The following SOX30 variants were observed in gnomAD, a reference collection of about 807,000 sequenced individuals.
SOX30 encodes transcription factor SOX-30.
Under a neutral mutation model 58.6 loss-of-function variants are expected in SOX30, and 17 were observed. That is an observed-to-expected ratio of 0.29 (90% CI 0.20 to 0.44). The LOEUF (loss-of-function observed/expected upper bound fraction) is 0.44, where lower values mean the gene tolerates loss of function less well. Ranked by LOEUF, SOX30 falls within the 20% of genes least tolerant of loss-of-function variation. The pLI, the probability that SOX30 is intolerant of heterozygous loss-of-function variation, is 1.00. For synonymous variants in SOX30, 421 were observed against 400.2 expected (o/e 1.05, Z -0.62); for missense variants, 951 against 965.8 (o/e 0.98, Z 0.20).
intron 2 of SOX30, among the ~76,000 whole-genome samples, chr5:157,648,292 AT>A (rs966050715): frequency 6.6e-6 from 1 of 152,064 alleles, no homozygotes; most frequent in African/African-American, 2.4e-5. Flanking sequence ...CGTAGACTGC[AT>A]TTTTTTTCTG....
At chr5:157,636,852 G>A (rs1758940150) in intron 4 of SOX30, among the ~76,000 whole-genome samples, 1 of 152,136 alleles carries the variant, frequency 6.6e-6, no homozygotes, top group South Asian at 2.1e-4. Flanking sequence ...GCTAGGCCGG[G>A]AATGGTGGTT....
In SOX30 at chr5:157,667,935, A is replaced by C. The variant is rs1330109500; in HGVS notation, c.-3-83T>G. ...TTATATCTTACCTCATTCATTCCCC[A>C]CAACAACACTTGTCAGGCATCACGC... On this transcript the variant is annotated intron_variant, in intron 1 of 5. Coordinates refer to the SOX30 transcript ENST00000519442. 3 of 1,404,792 alleles carry C rather than the reference A, an allele frequency of 2.1e-6. No individual in the cohort carries two copies. In the East Asian group the frequency reaches 7.5e-5, roughly 35 times the overall value. 87.0% of individuals were successfully genotyped at this position (1,404,792 alleles called of 1,614,324 possible).
chr5:157,671,440 G>C (rs1759785740), exon 1 of SOX30: 3 of 604,304 alleles, frequency 5.0e-6, no homozygotes, highest in East Asian at 2.9e-5. Context: ...GACTCTGCAC[G>C]CATGTCCAAC....
chr5:157,655,875 T>C (rs1361991234), upstream of SOX30, among the ~76,000 whole-genome samples: 5 of 152,216 alleles, frequency 3.3e-5, no homozygotes, highest in Non-Finnish European at 7.3e-5. Context: ...TCCTGTGTCA[T>C]TCTGTATTGT....
intron 4 of SOX30, among the ~76,000 whole-genome samples, chr5:157,637,071 T>C (rs1193882957): frequency 1.4e-5 from 2 of 142,272 alleles, no homozygotes; most frequent in African/African-American, 5.4e-5. Context: ...AGGCGGAGGC[T>C]GTGGTGAGCC....
At position 157,652,267 on chromosome 5, in the gene SOX30, C is replaced by T. The variant is rs1759376072; in HGVS notation, c.-189G>A. On this transcript the variant is annotated 5_prime_UTR_variant, in exon 1 of 5. Transcript: ENST00000265007. ...ATACCCGTGGACGGCCAATCACAGGCGGGTTTTCCGGCTCTTCCTGGTCCC... is the reference window on the plus strand; with the variant it reads ...ATACCCGTGGACGGCCAATCACAGGTGGGTTTTCCGGCTCTTCCTGGTCCC... The T allele has an allele frequency of 1.6e-6, 2 of 1,250,936 alleles. No individual in the cohort carries two copies. The highest frequency in any genetic ancestry group is 1.5e-5 in the African/African-American group (1 of 64,584). The allele number at this position is 1,250,936 out of a possible 1,614,324, so 77.5% of individuals were successfully genotyped here.
At chr5:157,632,797 A>G (rs2113834598) in intron 4 of SOX30, among the ~76,000 whole-genome samples, 1 of 152,274 alleles carries the variant, frequency 6.6e-6, no homozygotes, top group South Asian at 2.1e-4. Context: ...CAAGGTTAAG[A>G]AGTCCTTCCA....
intron 4 of SOX30, among the ~76,000 whole-genome samples, chr5:157,637,195 C>T (rs1278975844): frequency 6.6e-6 from 1 of 151,298 alleles, no homozygotes; most frequent in African/African-American, 2.4e-5. Flanking sequence ...CAAAATACTT[C>T]CAAGGGAGTT....
chr5:157,638,094 C>T, intron 4 of SOX30, 136 bp downstream of exon 4: 1 of 853,866 alleles, frequency 1.2e-6, no homozygotes, highest in Non-Finnish European at 1.8e-6. Context: ...TTTATGTTAA[C>T]TGCTTGGCTC....
In SOX30 at chr5:157,651,778, A is replaced by G. The variant is rs1225172845; in HGVS notation, c.301T>C (p.Leu101=). The part of the protein sequence containing the change: ...AAASSAQARL[L]QFRPDLRLLQ... ...AGCCGCAGGTCGGGCCTGAACTGCAACAGCCGCGCCTGCGCGGACGAGGCA... is the reference window on the plus strand; with the variant it reads ...AGCCGCAGGTCGGGCCTGAACTGCAGCAGCCGCGCCTGCGCGGACGAGGCA... The change falls in exon 1 of 5, where the codon TTG becomes CTG. Residue 101 remains leucine, a synonymous_variant. Coordinates refer to ENST00000265007, the MANE Select transcript of SOX30 (RefSeq NM_178424.2). The G allele has an allele frequency of 6.4e-7, 1 of 1,564,920 alleles. No homozygotes were observed. The highest frequency in any genetic ancestry group is 2.4e-5 in the East Asian group (1 of 42,422).
chr5:157,667,793 C>A (rs1291735495), intron 2 of SOX30: 1 of 1,534,272 alleles, frequency 6.5e-7, no homozygotes, highest in Non-Finnish European at 8.7e-7. Flanking sequence ...CACACACATA[C>A]AAACCTTGCT....
In SOX30 at chr5:157,651,369, T is replaced by C. The variant is rs189562767; in HGVS notation, c.710A>G (p.His237Arg). ...GAEPASNGLV[H>R]GSAEVILAPT... is the part of the protein sequence containing the mutation. ...GGCCAAGATGACCTCCGCGCTGCCA[T>C]GAACCAGGCCATTGGACGCGGGCTC... Residue 237 changes from histidine (H) to arginine (R), a missense_variant, in exon 1 of 5, where the codon CAT (histidine) becomes CGT (arginine). By Grantham distance (29) the His-to-Arg change is conservative (BLOSUM62 0). Coordinates refer to ENST00000265007, the MANE Select transcript of SOX30 (RefSeq NM_178424.2). The C allele has an allele frequency of 8.7e-5, 140 of 1,613,744 alleles. 1 individual carries two copies. In the East Asian group the frequency reaches 2.8e-3, roughly 32 times the overall value.
At chr5:157,648,052 T>C (rs1759238380) in intron 2 of SOX30, among the ~76,000 whole-genome samples, 1 of 152,202 alleles carries the variant, frequency 6.6e-6, no homozygotes, top group Non-Finnish European at 1.5e-5. Flanking sequence ...AGAACCTCTC[T>C]GCCAATATTT....
exon 1 of SOX30, chr5:157,671,413 C>T: frequency 3.4e-6 from 2 of 580,944 alleles, no homozygotes; most frequent in South Asian, 2.2e-5. Context: ...ACAATATTAC[C>T]GCGTCCGTGG....
At chr5:157,642,727 A>G (rs1759099093) in intron 3 of SOX30, among the ~76,000 whole-genome samples, 1 of 152,192 alleles carries the variant, frequency 6.6e-6, no homozygotes, top group African/African-American at 2.4e-5. Flanking sequence ...AAATGAGCCC[A>G]ACTGCGGTGA....
intron 1 of SOX30, chr5:157,671,280 G>C (rs1759780112): frequency 6.9e-6 from 2 of 291,598 alleles, no homozygotes; most frequent in South Asian, 9.5e-5. Context: ...CCAGCAGGCC[G>C]GGGTCACTGC....
chr5:157,659,906 T>C (rs1387152339), intron 2 of SOX30, among the ~76,000 whole-genome samples: 1 of 152,178 alleles, frequency 6.6e-6, no homozygotes, highest in Non-Finnish European at 1.5e-5. Flanking sequence ...GGTTAAGATA[T>C]GGGGTTGTGG....
intron 3 of SOX30, among the ~76,000 whole-genome samples, chr5:157,646,318 A>G (rs115217410): frequency 8.3e-4 from 126 of 152,320 alleles, no homozygotes; most frequent in Middle Eastern, 3.4e-3. Context: ...TTATGCTGTT[A>G]GTAAAAAGAC....
intron 1 of SOX30, among the ~76,000 whole-genome samples, 199 bp downstream of exon 1, chr5:157,650,913 T>G (rs1305597233): frequency 1.3e-5 from 2 of 152,234 alleles, no homozygotes; most frequent in East Asian, 1.9e-4. Context: ...TAAAAAATAC[T>G]TGAGAATCTT....
Sources: gnomAD v4.1 joint callset for allele counts (sites outside exome capture counted in the v4.1 genomes callset) on GRCh38, gnomAD v4.1.1 for gene constraint, MANE v1.5 for transcripts, NCBI Gene and HGNC (gene_info 2026-07-23, HGNC 2026-07-21) for gene names.